ANKIB1: variants seen among roughly 807,000 people sequenced by gnomAD.
The protein encoded by ANKIB1 is ankyrin repeat and IBR domain containing 1.
ANKIB1 carries 43 observed loss-of-function variants against 122.1 expected under a neutral mutation model. The ratio of observed to expected loss-of-function variants is 0.35; its 90% CI spans 0.28 to 0.45. The LOEUF is 0.45. ANKIB1 is among the 20% of genes least tolerant of loss of function. The pLI, the probability that ANKIB1 is intolerant of heterozygous loss-of-function variation, is 1.00. For missense variants in ANKIB1, 992 were observed against 1,329.5 expected, an observed-to-expected ratio of 0.75 and a Z score of 3.95; for synonymous variants, 390 against 442.0, an observed-to-expected ratio of 0.88 and a Z score of 1.48.
intron 1 of ANKIB1, among the ~76,000 whole-genome samples, chr7:92,285,602 T>C (rs1247120269): frequency 1.3e-5 from 2 of 152,216 alleles, no homozygotes; most frequent in Non-Finnish European, 2.9e-5. Context: ...AGTTCTAGAC[T>C]AGCTCCATCT....
chr7:92,315,040 C>T (rs1380984479), intron 3 of ANKIB1, among the ~76,000 whole-genome samples: 1 of 151,936 alleles, frequency 6.6e-6, no homozygotes, highest in Non-Finnish European at 1.5e-5. Context: ...AGGATGGAGG[C>T]TCTATAATGT....
chr7:92,276,311 C>T (rs942956229), intron 1 of ANKIB1, among the ~76,000 whole-genome samples: 12 of 152,108 alleles, frequency 7.9e-5, no homozygotes, highest in African/African-American at 2.2e-4. Context: ...ACTCATTTAC[C>T]AATTTAATAG....
At chr7:92,393,140 C>G (rs1052466827) in intron 17 of ANKIB1, among the ~76,000 whole-genome samples, 18 of 152,130 alleles carry the variant, frequency 1.2e-4, no homozygotes, top group Admixed American at 1.3e-4. Flanking sequence ...TTACCTGCAA[C>G]TGAAAGACAA....
At chr7:92,287,415 G>A (rs1802153020) in intron 1 of ANKIB1, among the ~76,000 whole-genome samples, 2 of 152,246 alleles carry the variant, frequency 1.3e-5, no homozygotes, top group South Asian at 4.1e-4. Context: ...CTCAACTTGA[G>A]TTTCTGTGAT....
At chr7:92,374,985 A>G (rs1309391041) in intron 11 of ANKIB1, among the ~76,000 whole-genome samples, 1 of 150,196 alleles carries the variant, frequency 6.7e-6, no homozygotes, top group Non-Finnish European at 1.5e-5. Context: ...ACTGCAGTGA[A>G]GCAGATATCA....
At chr7:92,338,427 ATAAAAAT>A (rs1259533772) in intron 5 of ANKIB1, among the ~76,000 whole-genome samples, 2 of 151,756 alleles carry the variant, frequency 1.3e-5, no homozygotes, top group East Asian at 1.9e-4. Flanking sequence ...TCAAAAAAAA[ATAAAAAT>A]TAAAAAAAGA....
At chr7:92,371,960 T>G (rs1025597669) in intron 11 of ANKIB1, among the ~76,000 whole-genome samples, 8 of 56,776 alleles carry the variant, frequency 1.4e-4, no homozygotes, top group African/African-American at 5.7e-4. Flanking sequence ...GGTGTGTGTG[T>G]GTGTGTGTGT....
chr7:92,288,025 G>A (rs547232410), intron 1 of ANKIB1, among the ~76,000 whole-genome samples: 272 of 112,942 alleles, frequency 2.4e-3, no homozygotes, highest in African/African-American at 9.1e-3. Context: ...GACAGAGCAA[G>A]ACTCCGTCTC....
intron 4 of ANKIB1, among the ~76,000 whole-genome samples, chr7:92,325,632 C>CT (rs397956901): frequency 0.059 from 8,559 of 144,892 alleles, 569 homozygotes; most frequent in African/African-American, 0.17. Context: ...AGTGCCTATT[C>CT]TTTTTTTTTT....
At chr7:92,362,659 A>G (rs1249000915) in intron 10 of ANKIB1, among the ~76,000 whole-genome samples, 1 of 152,196 alleles carries the variant, frequency 6.6e-6, no homozygotes, top group African/African-American at 2.4e-5. Flanking sequence ...AAAGCTTCCA[A>G]TGAAGGATGC....
intron 12 of ANKIB1, among the ~76,000 whole-genome samples, chr7:92,387,001 A>C (rs987324816): frequency 6.6e-6 from 1 of 152,184 alleles, no homozygotes; most frequent in African/African-American, 2.4e-5. Flanking sequence ...TGGGTGGCTT[A>C]CCAGAAATTT....
At chr7:92,276,520 CAA>C (rs1439616499) in intron 1 of ANKIB1, among the ~76,000 whole-genome samples, 20 of 152,382 alleles carry the variant, frequency 1.3e-4, no homozygotes, top group Admixed American at 8.5e-4. Context: ...ATAGCCATCT[CAA>C]GCCTGATATG....
At chr7:92,275,890 C>A (rs1403898419) in intron 1 of ANKIB1, among the ~76,000 whole-genome samples, 1 of 152,048 alleles carries the variant, frequency 6.6e-6, no homozygotes, top group Non-Finnish European at 1.5e-5. Context: ...TCTTTGTGTA[C>A]CTGTTATAGG....
chr7:92,349,568 T>C (rs935632949), intron 7 of ANKIB1, among the ~76,000 whole-genome samples: 1 of 152,206 alleles, frequency 6.6e-6, no homozygotes, highest in Non-Finnish European at 1.5e-5. Flanking sequence ...TGGTTTTCCA[T>C]TTATTTTCTC....
intron 9 of ANKIB1, among the ~76,000 whole-genome samples, chr7:92,353,742 A>T (rs1367813026): frequency 6.6e-6 from 1 of 152,214 alleles, no homozygotes; most frequent in African/African-American, 2.4e-5. Context: ...TTATTATTAA[A>T]CATAACATTT....
chr7:92,280,848 C>G (rs1448334098), intron 1 of ANKIB1, among the ~76,000 whole-genome samples: 2 of 152,198 alleles, frequency 1.3e-5, no homozygotes, highest in African/African-American at 4.8e-5. Context: ...GTTTGTGATA[C>G]TCTACCTATT....
intron 1 of ANKIB1, among the ~76,000 whole-genome samples, chr7:92,275,009 T>C (rs759600316): frequency 2.6e-5 from 4 of 152,152 alleles, no homozygotes; most frequent in Non-Finnish European, 5.9e-5. Context: ...TCTGAGACTT[T>C]TTGGTGTTCT....
chr7:92,363,915 A>G (rs374799433), intron 10 of ANKIB1, among the ~76,000 whole-genome samples: 37 of 152,366 alleles, frequency 2.4e-4, no homozygotes, highest in African/African-American at 8.9e-4. Context: ...CGAAGGCTTC[A>G]TGTCCATTAT....
intron 5 of ANKIB1, among the ~76,000 whole-genome samples, chr7:92,340,326 C>A (rs1008979577): frequency 6.6e-6 from 1 of 152,132 alleles, no homozygotes; most frequent in Admixed American, 6.5e-5. Context: ...AAAGAGAACA[C>A]GCTGTAAGCC....
Sources: allele counts gnomAD v4.1 joint callset (sites outside exome capture counted in the v4.1 genomes callset), GRCh38; gene constraint gnomAD v4.1.1; transcripts MANE v1.5; gene names NCBI Gene and HGNC (gene_info 2026-07-23, HGNC 2026-07-21).